The following CECR2 variants were observed in gnomAD, a reference collection of about 807,000 sequenced individuals.
The protein encoded by CECR2 is chromatin remodeling regulator CECR2.
Under a neutral mutation model 154.5 loss-of-function variants are expected in CECR2, and 30 were observed. The ratio of observed to expected loss-of-function variants is 0.19; its 90% CI spans 0.15 to 0.26. The LOEUF is 0.26. Ranked by LOEUF, CECR2 falls within the 10% of genes least tolerant of loss-of-function variation. The pLI is 1.00. For missense variants in CECR2, 1,743 were observed against 1,829.3 expected (o/e 0.95, Z 0.86); for synonymous variants, 725 against 683.7 (o/e 1.06, Z -0.94).
At chr22:17,551,937 A>G in intron 17 of CECR2, 94 bp from the exon 18 acceptor site, 1 of 1,160,298 alleles carries the variant, frequency 8.6e-7, no homozygotes, top group Non-Finnish European at 1.3e-6. Flanking sequence ...CACCGGGGTG[A>G]TGAAGGCAGT....
intron 1 of CECR2, among the ~76,000 whole-genome samples, chr22:17,400,179 G>A (rs1569056514): frequency 1.3e-5 from 2 of 152,100 alleles, no homozygotes; most frequent in Admixed American, 1.3e-4. Context: ...TTAGGAATTG[G>A]GTAATATGTT....
intron 1 of CECR2, among the ~76,000 whole-genome samples, chr22:17,435,445 A>G (rs1403251738): frequency 2.0e-5 from 3 of 152,084 alleles, no homozygotes; most frequent in African/African-American, 7.2e-5. Flanking sequence ...TAATTGTAAG[A>G]TCTCACTTTT....
Position 17,519,597 on chromosome 22 carries a change from G to A in CECR2, c.955-4521G>A, listed in dbSNP as rs183173822. Among the ~76,000 whole-genome samples the A allele has an allele frequency of 2.4e-4, 37 of 152,094 alleles. No individual in the cohort carries two copies. The East Asian group carries it at 6.8e-3, about 28-fold the overall frequency. On this transcript the variant is annotated intron_variant, in intron 8 of 18. Coordinates refer to ENST00000262608, the MANE Select transcript of CECR2 (RefSeq NM_001290047.2). ...TATATTGTTTGTGAGTTTTGTGTTC[G>A]TGTTCCATTTGTTTGAGGGGAGCAC...
chr22:17,492,020 T>C (rs2055541876), intron 2 of CECR2, among the ~76,000 whole-genome samples: 1 of 152,236 alleles, frequency 6.6e-6, no homozygotes, highest in Non-Finnish European at 1.5e-5. Context: ...GCCTGGTCTT[T>C]TTATAAGCTT....
chr22:17,410,909 T>G (rs2054059045), intron 1 of CECR2, among the ~76,000 whole-genome samples: 1 of 152,218 alleles, frequency 6.6e-6, no homozygotes, highest in Non-Finnish European at 1.5e-5. Flanking sequence ...GAAAGGATGT[T>G]AGAGATAATT....
chr22:17,426,100 C>G (rs5746370), intron 1 of CECR2, among the ~76,000 whole-genome samples: 8 of 152,146 alleles, frequency 5.3e-5, no homozygotes, highest in Non-Finnish European at 8.8e-5. Flanking sequence ...TGTTTCCCCC[C>G]ACCCAGATTA....
chr22:17,407,902 C>A (rs558710326), intron 1 of CECR2, among the ~76,000 whole-genome samples: 1 of 152,150 alleles, frequency 6.6e-6, no homozygotes, highest in Non-Finnish European at 1.5e-5. Context: ...TTGAGAAACG[C>A]TGGTCTGAAG....
Position 17,505,010 on chromosome 22 carries a change from C to G in CECR2, c.864C>G (p.Ala288=). 1.2e-6 allele frequency: 2 copies of G among 1,613,158 alleles called. No homozygotes were observed. Among genetic ancestry groups the G allele is most frequent in the Non-Finnish European group, 1.7e-6 (2 of 1,179,714 alleles). The change falls in exon 7 of 19, where the codon GCC becomes GCG. Residue 288 remains alanine, a synonymous_variant. Coordinates refer to ENST00000262608, the MANE Select transcript of CECR2 (RefSeq NM_001290047.2). ...DFLPEICNMI[A]QKGKRPQRTK... is the part of the protein sequence containing the mutation. ...TGCCTGAGATCTGCAACATGATCGC[C>G]CAGAAGGTGCGCCACACTCTCTGCT...
Position 17,499,423 on chromosome 22 carries a change from A to T in CECR2, c.419A>T (p.Asp140Val). 1 of 1,613,672 alleles carries T rather than the reference A, an allele frequency of 6.2e-7. No homozygotes were observed. Among genetic ancestry groups the T allele is most frequent in the Non-Finnish European group, 8.5e-7 (1 of 1,179,750 alleles). Residue 140 changes from aspartate to valine, a missense_variant, in exon 4 of 19, where the codon GAC (aspartate) becomes GTC (valine). Physicochemically the swap from Asp to Val is radical, Grantham distance 152. Coordinates refer to ENST00000262608, the MANE Select transcript of CECR2 (RefSeq NM_001290047.2). ...VFDLLKGLDA[D>V]SLRVEPLGED... ...TGCTCTGTGTAGGGCCTGGATGCAG[A>T]CAGTCTCCGTGTGGAGCCATTGGGT...
At chr22:17,453,298 TGGACACGGTGGC>T (rs1351018324) in intron 1 of CECR2, among the ~76,000 whole-genome samples, 7 of 152,026 alleles carry the variant, frequency 4.6e-5, no homozygotes, top group Admixed American at 3.9e-4. Context: ...AAAAATTAAC[TGGACACGGTGGC>T]GTATGCCTGT....
At chr22:17,399,073 A>T (rs1359083122) in intron 1 of CECR2, among the ~76,000 whole-genome samples, 2 of 152,206 alleles carry the variant, frequency 1.3e-5, no homozygotes, top group African/African-American at 2.4e-5. Flanking sequence ...CAAGGTTCCC[A>T]GGTGATTATT....
At chr22:17,406,548 AAAAAG>A (rs1377456458) in intron 1 of CECR2, among the ~76,000 whole-genome samples, 1 of 152,156 alleles carries the variant, frequency 6.6e-6, no homozygotes, top group Admixed American at 6.5e-5. Flanking sequence ...TCCCTCCAAA[AAAAAG>A]AAAAGAATGT....
At chr22:17,507,251 C>T (rs1012723085) in intron 7 of CECR2, among the ~76,000 whole-genome samples, 4 of 152,174 alleles carry the variant, frequency 2.6e-5, no homozygotes, top group African/African-American at 9.7e-5. Context: ...CGGGAACTTA[C>T]AAACAGTGCT....
At chr22:17,392,912 C>T (rs183662192) in intron 1 of CECR2, among the ~76,000 whole-genome samples, 6 of 151,740 alleles carry the variant, frequency 4.0e-5, no homozygotes, top group African/African-American at 1.5e-4. Context: ...TGGTGACACC[C>T]GCCTGTAATT....
At chr22:17,461,558 T>C (rs1020449323) in intron 1 of CECR2, among the ~76,000 whole-genome samples, 8 of 152,194 alleles carry the variant, frequency 5.3e-5, no homozygotes, top group African/African-American at 1.7e-4. Context: ...TTGATGGCTT[T>C]CGTTATCAGT....
intron 2 of CECR2, among the ~76,000 whole-genome samples, chr22:17,481,606 G>A (rs544436277): frequency 6.6e-6 from 1 of 152,054 alleles, no homozygotes; most frequent in South Asian, 2.1e-4. Flanking sequence ...TTTTGTAAAG[G>A]GCCAGATAGT....
intron 9 of CECR2, among the ~76,000 whole-genome samples, chr22:17,530,334 CT>C (rs2056335316): frequency 6.6e-6 from 1 of 151,110 alleles, no homozygotes. Flanking sequence ...GGACTCAGAG[CT>C]TTTATTTATT....
intron 1 of CECR2, among the ~76,000 whole-genome samples, chr22:17,412,678 A>T (rs1175206587): frequency 1.3e-5 from 2 of 152,132 alleles, no homozygotes; most frequent in African/African-American, 4.8e-5. Flanking sequence ...GAGGCTGAGG[A>T]AACTGTCCCT....
At chr22:17,399,758 G>A (rs556470022) in intron 1 of CECR2, among the ~76,000 whole-genome samples, 2 of 152,208 alleles carry the variant, frequency 1.3e-5, no homozygotes, top group East Asian at 1.9e-4. Flanking sequence ...ACTCAGATGC[G>A]ACTATACCAT....
Sources: allele counts gnomAD v4.1 joint callset (sites outside exome capture counted in the v4.1 genomes callset), GRCh38; gene constraint gnomAD v4.1.1; transcripts MANE v1.5; gene names NCBI Gene and HGNC (gene_info 2026-07-23, HGNC 2026-07-21).